ELF2: variants seen among roughly 807,000 people sequenced by gnomAD.
The protein encoded by ELF2 is E74 like ETS transcription factor 2.
ELF2 carries 11 observed loss-of-function variants against 54.8 expected under a neutral mutation model. The ratio of observed to expected loss-of-function variants is 0.20; its 90% CI spans 0.13 to 0.33. The LOEUF is 0.33. ELF2 is among the 10% of genes least tolerant of loss of function. The probability of loss-of-function intolerance (pLI) is 1.00; values close to 1 mark genes in which losing one functional copy is unlikely to be tolerated. For synonymous variants in ELF2, 203 were observed against 245.1 expected, an observed-to-expected ratio of 0.83 and a Z score of 1.61; for missense variants, 513 against 703.0, an observed-to-expected ratio of 0.73 and a Z score of 3.06.
chr4:139,172,953 C>CA lies in ELF2; in HGVS notation c.-252+4013dup, dbSNP rs935782394. On this transcript the variant is annotated intron_variant, in intron 1 of 9. Coordinates refer to ENST00000686138, the MANE Select transcript of ELF2 (RefSeq NM_001331036.3). ...AATACTATTCCAAAGTAAAAAGGGA[C>CA]AAAAAACTGATAAACGCTACAATAT... is the stretch of plus-strand genomic sequence containing the variant. Among the ~76,000 whole-genome samples the CA allele has an allele frequency of 1.0e-4, 12 of 115,406 alleles. No homozygotes were observed. The Admixed American group carries it at 1.1e-3, about 11-fold the overall frequency. The allele number at this position is 115,406 out of a possible 152,430, so 75.7% of individuals were successfully genotyped here.
rs1380292130 is a variant in ELF2, at chr4:139,058,054, C to A, written c.*929G>T. On this transcript the variant is annotated 3_prime_UTR_variant, in exon 10 of 10. Coordinates refer to ENST00000686138, the MANE Select transcript of ELF2 (RefSeq NM_001331036.3). ...AGAAAACTCCAGGTATTAGAGCTACCTGCCAAAAATTCATGCTGAGCCTGA... is the reference window on the plus strand; with the variant it reads ...AGAAAACTCCAGGTATTAGAGCTACATGCCAAAAATTCATGCTGAGCCTGA... The A allele has an allele frequency of 6.6e-6, 1 of 152,324 alleles. No homozygotes were observed. The highest frequency in any genetic ancestry group is 2.4e-5 in the African/African-American group (1 of 41,368). 9.4% of individuals were successfully genotyped at this position (152,324 alleles called of 1,614,324 possible). A position where few individuals can be genotyped will look rare whatever the true frequency, so the allele number is the denominator to read the frequency against.
intron 4 of ELF2, among the ~76,000 whole-genome samples, chr4:139,084,832 G>A (rs1397457636): frequency 6.6e-6 from 1 of 152,154 alleles, no homozygotes; most frequent in Non-Finnish European, 1.5e-5. Context: ...GCACTTTTAA[G>A]ACAGGAACAC....
intron 3 of ELF2, 51 bp downstream of exon 3, chr4:139,137,579 T>C: frequency 6.4e-7 from 1 of 1,566,816 alleles, no homozygotes; most frequent in Non-Finnish European, 8.8e-7. Flanking sequence ...AATTAGTTCA[T>C]GCACAAATTT....
intron 3 of ELF2, among the ~76,000 whole-genome samples, chr4:139,132,884 A>G (rs1002629225): frequency 2.4e-5 from 3 of 127,088 alleles, no homozygotes; most frequent in Non-Finnish European, 5.1e-5. Flanking sequence ...AAAATATGTA[A>G]TTTTTTTTTT....
intron 6 of ELF2, among the ~76,000 whole-genome samples, chr4:139,071,660 A>G (rs750105465): frequency 6.6e-6 from 1 of 152,162 alleles, no homozygotes; most frequent in Non-Finnish European, 1.5e-5. Context: ...ATTATCCTCA[A>G]GCCTTACATA....
intron 3 of ELF2, among the ~76,000 whole-genome samples, chr4:139,133,912 G>C (rs908580478): frequency 2.0e-5 from 3 of 152,062 alleles, no homozygotes; most frequent in African/African-American, 7.2e-5. Flanking sequence ...GATTTCTTAG[G>C]CATTTCTAGG....
intron 1 of ELF2, among the ~76,000 whole-genome samples, chr4:139,147,638 AT>A (rs1027734694): frequency 5.4e-5 from 8 of 149,508 alleles, no homozygotes; most frequent in Non-Finnish European, 8.9e-5. Flanking sequence ...CGCCCAGCTA[AT>A]TTTTTTTTGT....
intron 4 of ELF2, among the ~76,000 whole-genome samples, chr4:139,120,321 T>C (rs1736185066): frequency 6.6e-6 from 1 of 152,238 alleles, no homozygotes; most frequent in African/African-American, 2.4e-5. Flanking sequence ...TTCCTGTTGC[T>C]ACTACCTTGT....
intron 4 of ELF2, among the ~76,000 whole-genome samples, chr4:139,087,587 T>C (rs1732118777): frequency 6.6e-6 from 1 of 152,156 alleles, no homozygotes; most frequent in Non-Finnish European, 1.5e-5. Flanking sequence ...TGCCTCAGCC[T>C]CCCGAGTAGC....
chr4:139,062,099 TAATTA>T (rs1232523319), intron 7 of ELF2, 42 bp from the exon 8 acceptor site: 1 of 1,542,256 alleles, frequency 6.5e-7, no homozygotes. Context: ...TTCATTAACA[TAATTA>T]AATACATAAT....
intron 4 of ELF2, among the ~76,000 whole-genome samples, chr4:139,122,031 G>T (rs945760770): frequency 6.6e-6 from 1 of 152,138 alleles, no homozygotes; most frequent in Non-Finnish European, 1.5e-5. Context: ...AATGACAATA[G>T]AACACTGTTT....
intron 1 of ELF2, among the ~76,000 whole-genome samples, chr4:139,168,435 A>T (rs897147732): frequency 2.1e-4 from 32 of 152,362 alleles, no homozygotes; most frequent in African/African-American, 7.7e-4. Context: ...ACCCAACAGA[A>T]TTATACTGGG....
chr4:139,140,388 T>C (rs1256372518), intron 1 of ELF2, among the ~76,000 whole-genome samples: 1 of 152,178 alleles, frequency 6.6e-6, no homozygotes, highest in Non-Finnish European at 1.5e-5. Flanking sequence ...CCTTTTTCCT[T>C]AACCTTCTCA....
intron 1 of ELF2, among the ~76,000 whole-genome samples, chr4:139,160,066 A>G (rs1264613509): frequency 6.6e-6 from 1 of 152,356 alleles, no homozygotes; most frequent in East Asian, 1.9e-4. Context: ...GGCCAGGCGC[A>G]GTGGCTCACG....
chr4:139,147,325 A>C (rs1308888660), intron 1 of ELF2, among the ~76,000 whole-genome samples: 1 of 152,206 alleles, frequency 6.6e-6, no homozygotes, highest in Non-Finnish European at 1.5e-5. Flanking sequence ...GCAAATTAAA[A>C]CCACAATGAC....
At chr4:139,094,908 T>G (rs1395063589) in intron 4 of ELF2, among the ~76,000 whole-genome samples, 1 of 152,154 alleles carries the variant, frequency 6.6e-6, no homozygotes, top group Non-Finnish European at 1.5e-5. Context: ...ATCAATGGGA[T>G]CTTTTTTGTT....
At position 139,125,178 on chromosome 4, in the gene ELF2, T is replaced by G; in HGVS notation, c.224A>C (p.Glu75Ala). The G allele has an allele frequency of 1.2e-6, 2 of 1,608,594 alleles. No homozygotes were observed. Among genetic ancestry groups the G allele is most frequent in the Non-Finnish European group, 1.7e-6 (2 of 1,178,722 alleles). Residue 75 changes from glutamate to alanine, a missense_variant, in exon 4 of 10, where the codon GAG becomes GCG. Physicochemically the swap from Glu to Ala is moderately radical, Grantham distance 107 (BLOSUM62 -1). Around this residue, in one of 3 missense-constraint regions of ELF2, gnomAD observed 203 missense variants for 245.9 expected, o/e 0.83. Transcript: ENST00000686138. ...DVAEEQEVET[E>A]NVETVEASVH... ...GAGATGTCTACCTGTTTCCACATTC[T>G]CGGTCTCAACTTCTTGTTCTTCTGC... is the stretch of plus-strand genomic sequence containing the variant.
intron 4 of ELF2, among the ~76,000 whole-genome samples, chr4:139,112,505 G>A (rs1735056506): frequency 6.6e-6 from 1 of 152,188 alleles, no homozygotes; most frequent in Non-Finnish European, 1.5e-5. Context: ...CTGAATGGAG[G>A]TATGGATTTG....
chr4:139,092,438 T>TAACATAACATAACA (rs1732761252), intron 4 of ELF2, among the ~76,000 whole-genome samples: 1 of 147,732 alleles, frequency 6.8e-6, no homozygotes, highest in Admixed American at 6.8e-5. Context: ...TAACATAACA[T>TAACATAACATAACA]AACATAACAT....
Sources: allele counts gnomAD v4.1 joint callset (sites outside exome capture counted in the v4.1 genomes callset), GRCh38; gene constraint gnomAD v4.1.1; regional missense constraint gnomAD v4.1.1; transcripts MANE v1.5; gene names NCBI Gene and HGNC (gene_info 2026-07-23, HGNC 2026-07-21).